ATG10: variants seen among roughly 807,000 people sequenced by gnomAD.
The protein encoded by ATG10 is autophagy related 10, also known as ubiquitin-like-conjugating enzyme ATG10.
ATG10 carries 30 observed loss-of-function variants against 32.1 expected under a neutral mutation model. The observed-to-expected ratio is 0.94, with a 90% CI of 0.70 to 1.27. The LOEUF (loss-of-function observed/expected upper bound fraction) is 1.27. Ranked by LOEUF, ATG10 falls within the 50% of genes most tolerant of loss-of-function variation. ATG10 has a pLI of 0.00. For synonymous variants in ATG10, 87 were observed against 91.5 expected, an observed-to-expected ratio of 0.95 and a Z score of 0.28; for missense variants, 233 against 262.3, an observed-to-expected ratio of 0.89 and a Z score of 0.77.
At chr5:82,059,023 C>T (rs1420190299) in intron 3 of ATG10, among the ~76,000 whole-genome samples, 1 of 152,028 alleles carries the variant, frequency 6.6e-6, no homozygotes, top group African/African-American at 2.4e-5. Flanking sequence ...AGCCCTAGCC[C>T]CAGGCTGCTT....
intron 2 of ATG10, among the ~76,000 whole-genome samples, chr5:82,010,275 T>C (rs779126552): frequency 1.3e-5 from 2 of 152,210 alleles, no homozygotes; most frequent in Non-Finnish European, 2.9e-5. Context: ...TGTGATTATT[T>C]TGGCTAATTC....
chr5:82,099,471 AT>A (rs1190332495), intron 3 of ATG10, among the ~76,000 whole-genome samples: 1 of 152,010 alleles, frequency 6.6e-6, no homozygotes, highest in Non-Finnish European at 1.5e-5. Flanking sequence ...ATAGAATTAC[AT>A]TTATAGACAC....
chr5:81,994,754 T>C (rs1442086981), intron 2 of ATG10, among the ~76,000 whole-genome samples: 1 of 152,230 alleles, frequency 6.6e-6, no homozygotes, highest in Non-Finnish European at 1.5e-5. Context: ...CTAGCCTTCT[T>C]AGTTTGCAGA....
intron 2 of ATG10, among the ~76,000 whole-genome samples, chr5:82,007,215 C>T (rs1762008736): frequency 6.6e-6 from 1 of 152,168 alleles, no homozygotes; most frequent in African/African-American, 2.4e-5. Context: ...ATGAAGGAAA[C>T]AGCTAAAGAG....
At position 82,102,446 on chromosome 5, in the gene ATG10, C is replaced by G. The variant is rs79149169; in HGVS notation, c.216+43844C>G. On this transcript the variant is annotated intron_variant, in intron 3 of 7. Transcript: ENST00000282185. ...ACATCTAGGTCTGTGCTCATTCTTACTGACACAGATAATATTAAGTAAACA... is the reference window on the plus strand; with the variant it reads ...ACATCTAGGTCTGTGCTCATTCTTAGTGACACAGATAATATTAAGTAAACA... Among the ~76,000 whole-genome samples, 801 of 152,230 alleles carry G rather than the reference C, an allele frequency of 5.3e-3. 6 individuals carry two copies. Among genetic ancestry groups the G allele is most frequent in the African/African-American group, 0.018 (755 of 41,542 alleles).
At chr5:82,100,000 G>GCTTTTTTTTTT in intron 3 of ATG10, among the ~76,000 whole-genome samples, 1 of 58,956 alleles carries the variant, frequency 1.7e-5, no homozygotes, top group South Asian at 8.0e-4. Flanking sequence ...CTTTTTCTGT[G>GCTTTTTTTTTT]TTTTTTTTTT....
chr5:81,984,015 C>T (rs1356852759), intron 1 of ATG10, among the ~76,000 whole-genome samples: 1 of 152,210 alleles, frequency 6.6e-6, no homozygotes, highest in Admixed American at 6.5e-5. Flanking sequence ...CCTCACTTTC[C>T]AGACGGGGTG....
At chr5:82,119,984 TTGTGTGTGTGTGTGTGTGTGTG>T (rs5869106) in intron 3 of ATG10, among the ~76,000 whole-genome samples, 1 of 148,200 alleles carries the variant, frequency 6.7e-6, no homozygotes, top group Non-Finnish European at 1.5e-5. Context: ...CCACCATTTA[TTGTGTGTGTGTGTGTGTGTGTG>T]TGTGTGTGTG....
intron 3 of ATG10, among the ~76,000 whole-genome samples, chr5:82,093,245 T>G (rs1764950506): frequency 1.3e-5 from 2 of 152,208 alleles, no homozygotes; most frequent in Admixed American, 1.3e-4. Flanking sequence ...ACACATATAT[T>G]AGGCCACTGG....
intron 5 of ATG10, among the ~76,000 whole-genome samples, chr5:82,237,351 T>C (rs1469480154): frequency 6.6e-6 from 1 of 152,112 alleles, no homozygotes; most frequent in East Asian, 1.9e-4. Context: ...ACCATATTTT[T>C]AAGAAGTCTT....
intron 2 of ATG10, among the ~76,000 whole-genome samples, chr5:81,996,233 G>A (rs553395649): frequency 1.3e-5 from 2 of 152,160 alleles, no homozygotes; most frequent in African/African-American, 4.8e-5. Context: ...TGATATGATG[G>A]TGCAGTTACT....
At chr5:82,130,566 C>G (rs879577890) in intron 3 of ATG10, among the ~76,000 whole-genome samples, 5 of 152,040 alleles carry the variant, frequency 3.3e-5, no homozygotes, top group African/African-American at 4.8e-5. Context: ...CCTTAAGGCA[C>G]AGTTCCTCAT....
At chr5:82,041,148 A>G (rs985006475) in intron 2 of ATG10, among the ~76,000 whole-genome samples, 6 of 152,160 alleles carry the variant, frequency 3.9e-5, no homozygotes, top group African/African-American at 1.2e-4. Flanking sequence ...CTTATTATCT[A>G]TCTTCCTTCA....
At chr5:82,111,981 A>G (rs890516327) in intron 3 of ATG10, among the ~76,000 whole-genome samples, 1 of 152,050 alleles carries the variant, frequency 6.6e-6, no homozygotes, top group African/African-American at 2.4e-5. Context: ...TCACAAGTGG[A>G]AAAATTCAAA....
chr5:82,155,588 A>G (rs962494445), intron 3 of ATG10, among the ~76,000 whole-genome samples: 54 of 152,328 alleles, frequency 3.5e-4, no homozygotes, highest in African/African-American at 1.2e-3. Flanking sequence ...TTGGCCCTTT[A>G]GAAAAATGTT....
At chr5:81,974,235 T>C (rs1352539592) in intron 1 of ATG10, among the ~76,000 whole-genome samples, 3 of 152,180 alleles carry the variant, frequency 2.0e-5, no homozygotes, top group African/African-American at 2.4e-5. Context: ...TGGAGATCAT[T>C]TGGTGATTAT....
intron 3 of ATG10, among the ~76,000 whole-genome samples, chr5:82,162,807 T>C (rs1190320278): frequency 1.4e-5 from 2 of 138,854 alleles, no homozygotes; most frequent in Non-Finnish European, 3.0e-5. Flanking sequence ...TAGGAGCATA[T>C]GTATGTATAG....
intron 3 of ATG10, among the ~76,000 whole-genome samples, chr5:82,161,868 T>C (rs1743362128): frequency 6.6e-6 from 1 of 152,088 alleles, no homozygotes; most frequent in Non-Finnish European, 1.5e-5. Flanking sequence ...TTAAAACGTG[T>C]ATATAGTAAA....
At chr5:82,101,890 T>C (rs935782397) in intron 3 of ATG10, among the ~76,000 whole-genome samples, 2 of 152,236 alleles carry the variant, frequency 1.3e-5, no homozygotes, top group Admixed American at 6.5e-5. Context: ...GATTTCTGTT[T>C]ACTACAATCA....
Sources: allele counts gnomAD v4.1 joint callset (sites outside exome capture counted in the v4.1 genomes callset), GRCh38; gene constraint gnomAD v4.1.1; transcripts MANE v1.5; gene names NCBI Gene and HGNC (gene_info 2026-07-23, HGNC 2026-07-21).